Variants in FECH observed in about 807,000 individuals in gnomAD.
FECH encodes ferrochelatase, mitochondrial.
A neutral mutation model predicts 56.9 loss-of-function variants in FECH; 40 were observed. That is an observed-to-expected ratio of 0.70 (90% CI 0.55 to 0.92). FECH has a LOEUF of 0.92. Among genes scored for constraint, FECH ranks in the 40% least tolerant of loss-of-function variants. The pLI, the probability that FECH is intolerant of heterozygous loss-of-function variation, is 0.00. For synonymous variants in FECH, 175 were observed against 198.6 expected, an observed-to-expected ratio of 0.88 and a Z score of 1.00; for missense variants, 431 against 529.1, an observed-to-expected ratio of 0.81 and a Z score of 1.82.
At chr18:57,578,811 C>G (rs2051221368) in intron 2 of FECH, among the ~76,000 whole-genome samples, 1 of 145,628 alleles carries the variant, frequency 6.9e-6, no homozygotes, top group South Asian at 2.2e-4. Flanking sequence ...AATGCAAAAT[C>G]AGCTGGGTGT....
At position 57,573,083 on chromosome 18, in the gene FECH, T is replaced by TTTCTGATATCATATCC. The variant is rs549185023; in HGVS notation, c.314+147_314+162dup. ...CTTATTTGCTCTCTCCCCCTGCAAT[T>TTTCTGATATCATATCC]TTCTGATATCATATCCTTCTGATAT... is the stretch of plus-strand genomic sequence containing the variant. On this transcript the variant is annotated intron_variant, in intron 3 of 10. Transcript: ENST00000262093. 2.5e-3 allele frequency: 1,920 copies of TTTCTGATATCATATCC among 754,172 alleles called. 8 individuals carry two copies. The highest frequency in any genetic ancestry group is 0.013 in the Middle Eastern group (36 of 2,780). The allele number at this position is 754,172 out of a possible 1,614,324, so 46.7% of individuals were successfully genotyped here.
intron 2 of FECH, among the ~76,000 whole-genome samples, chr18:57,576,758 A>T (rs1416129575): frequency 6.6e-6 from 1 of 152,212 alleles, no homozygotes; most frequent in Non-Finnish European, 1.5e-5. Flanking sequence ...CATGCACTTA[A>T]TTCAAAACTG....
chr18:57,586,107 A>C (rs2051368073), intron 1 of FECH: 1 of 174,312 alleles, frequency 5.7e-6, no homozygotes, highest in Admixed American at 6.4e-5. Context: ...GCACAGAGGG[A>C]CCAAGGACCA....
chr18:57,577,887 T>C (rs2051205969), intron 2 of FECH, among the ~76,000 whole-genome samples: 1 of 151,866 alleles, frequency 6.6e-6, no homozygotes. Context: ...AGACCTCGTC[T>C]CTATTTTTTT....
intron 1 of FECH, 138 bp from the exon 2 acceptor site, chr18:57,580,337 A>G (rs1366655945): frequency 2.5e-6 from 3 of 1,216,782 alleles, no homozygotes; most frequent in African/African-American, 1.5e-5. Flanking sequence ...ATTTCTCTGC[A>G]GGCAGGTAAA....
In FECH at chr18:57,550,392, A is replaced by G. The variant is rs2050781473; in HGVS notation, c.*320T>C. ...TACCCTTTCAGGAGGGTTTTGGGCA[A>G]TAAAGCCAAAATCTGTACTTAAATA... is the stretch of plus-strand genomic sequence containing the variant. On this transcript the variant is annotated 3_prime_UTR_variant, in exon 11 of 11. Coordinates refer to ENST00000262093, the MANE Select transcript of FECH (RefSeq NM_000140.5). 1 of 323,672 alleles carries G rather than the reference A, an allele frequency of 3.1e-6. No homozygotes were observed. Among genetic ancestry groups the G allele is most frequent in the Admixed American group, 4.4e-5 (1 of 22,490 alleles). 20.1% of individuals were successfully genotyped at this position (323,672 alleles called of 1,614,324 possible).
intron 2 of FECH, among the ~76,000 whole-genome samples, chr18:57,577,371 T>C (rs1215710515): frequency 2.0e-5 from 3 of 152,230 alleles, no homozygotes; most frequent in African/African-American, 7.2e-5. Context: ...AAGACAGAGT[T>C]TGGCCTACAA....
chr18:57,555,997 C>T (rs778775992), intron 7 of FECH, among the ~76,000 whole-genome samples: 5 of 152,114 alleles, frequency 3.3e-5, no homozygotes, highest in South Asian at 2.1e-4. Context: ...GGTGTGGTGG[C>T]GCACACCTAT....
chr18:57,584,754 CA>C (rs1223894650), intron 1 of FECH, among the ~76,000 whole-genome samples: 1 of 150,688 alleles, frequency 6.6e-6, no homozygotes, highest in Non-Finnish European at 1.5e-5. Context: ...GATATGGAGC[CA>C]AAATGTTCTA....
intron 7 of FECH, among the ~76,000 whole-genome samples, chr18:57,557,047 G>A (rs2050877935): frequency 6.6e-6 from 1 of 151,764 alleles, no homozygotes; most frequent in Non-Finnish European, 1.5e-5. Context: ...TCCTGGGAGA[G>A]AAAAAGGACA....
intron 6 of FECH, among the ~76,000 whole-genome samples, chr18:57,561,983 CT>C (rs2050949968): frequency 6.6e-6 from 1 of 152,348 alleles, no homozygotes; most frequent in Admixed American, 6.5e-5. Context: ...CTAAGGAACA[CT>C]GCTCTGGGGA....
In FECH at chr18:57,544,583, C is replaced by G. The variant is rs1002887426; in HGVS notation, c.*6129G>C. Reference sequence around the variant, plus strand: ...GCAATTGATCAACAAGTATAGTTCACACATATCGACATTTTGTTTACATTC... The same window carrying G: ...GCAATTGATCAACAAGTATAGTTCAGACATATCGACATTTTGTTTACATTC... On this transcript the variant is annotated 3_prime_UTR_variant, in exon 11 of 11. Coordinates refer to ENST00000262093, the MANE Select transcript of FECH (RefSeq NM_000140.5). Among the ~76,000 whole-genome samples the G allele has an allele frequency of 2.6e-5, 4 of 152,212 alleles. No homozygotes were observed. The highest frequency in any genetic ancestry group is 9.7e-5 in the African/African-American group (4 of 41,450).
At position 57,570,032 on chromosome 18, in the gene FECH, CGTGTGTGTGTGTGTGT is replaced by C. The variant is rs10608112; in HGVS notation, c.463+1344_463+1359del. ...TTGCTGTTGTTGTTGTTGTTGTTGT[CGTGTGTGTGTGTGTGT>C]GTGTGTGTGTGTGTGTGTGTGTGTG... On this transcript the variant is annotated intron_variant, in intron 4 of 10. Coordinates refer to ENST00000262093, the MANE Select transcript of FECH (RefSeq NM_000140.5). Among the ~76,000 whole-genome samples the C allele has an allele frequency of 3.9e-3, 477 of 122,856 alleles. 2 individuals carry two copies. Among genetic ancestry groups the C allele is most frequent in the African/African-American group, 0.012 (411 of 34,874 alleles). The allele number at this position is 122,856 out of a possible 152,430, so 80.6% of individuals were successfully genotyped here. A position where few individuals can be genotyped will look rare whatever the true frequency, so the allele number is the denominator to read the frequency against.
In FECH at chr18:57,545,665, A is replaced by G. The variant is rs2050711879; in HGVS notation, c.*5047T>C. ...TTAGCAGCATCAATTTACTTCTCTG[A>G]AGCACCTGCAGGTACCCACCACTTG... On this transcript the variant is annotated 3_prime_UTR_variant, in exon 11 of 11. Transcript: ENST00000262093. Among the ~76,000 whole-genome samples the G allele has an allele frequency of 6.6e-6, 1 of 152,178 alleles. No homozygotes were observed. Among genetic ancestry groups the G allele is most frequent in the Non-Finnish European group, 1.5e-5 (1 of 68,026 alleles).
At chr18:57,563,259 T>C (rs1384939420) in intron 5 of FECH, among the ~76,000 whole-genome samples, 4 of 152,130 alleles carry the variant, frequency 2.6e-5, no homozygotes, top group Non-Finnish European at 5.9e-5. Flanking sequence ...ATATAAGCAG[T>C]CATATTTACA....
At chr18:57,572,595 G>A (rs918509561) in intron 3 of FECH, among the ~76,000 whole-genome samples, 4 of 142,332 alleles carry the variant, frequency 2.8e-5, no homozygotes, top group Non-Finnish European at 3.1e-5. Flanking sequence ...AAGTGGGGGG[G>A]GGGGTGTGCA....
chr18:57,566,653 A>T, intron 4 of FECH, 72 bp from the exon 5 acceptor site: 1 of 1,561,062 alleles, frequency 6.4e-7, no homozygotes, highest in East Asian at 2.3e-5. Flanking sequence ...AACAAACATA[A>T]TGCAATGCCC....
At chr18:57,579,372 T>C (rs1302899978) in intron 2 of FECH, among the ~76,000 whole-genome samples, 1 of 151,900 alleles carries the variant, frequency 6.6e-6, no homozygotes, top group African/African-American at 2.4e-5. Flanking sequence ...AGAAAGGTCA[T>C]GGAGTTAAAT....
intron 2 of FECH, among the ~76,000 whole-genome samples, chr18:57,573,763 A>G (rs779007508): frequency 2.6e-5 from 4 of 152,206 alleles, no homozygotes; most frequent in Admixed American, 1.3e-4. Flanking sequence ...CCCAACTTCA[A>G]GTTTCCTCAT....
Sources: gnomAD v4.1 joint callset for allele counts (sites outside exome capture counted in the v4.1 genomes callset) on GRCh38, gnomAD v4.1.1 for gene constraint, MANE v1.5 for transcripts, NCBI Gene and HGNC (gene_info 2026-07-23, HGNC 2026-07-21) for gene names.